The following SPTLC3 variants were observed in gnomAD, a reference collection of about 807,000 sequenced individuals.
The protein encoded by SPTLC3 is serine palmitoyltransferase 3.
A neutral mutation model predicts 59.3 loss-of-function variants in SPTLC3; 36 were observed. That is an observed-to-expected ratio of 0.61 (90% CI 0.47 to 0.80). The LOEUF is 0.80. Ranked by LOEUF, SPTLC3 falls within the 30% of genes least tolerant of loss-of-function variation. SPTLC3 has a pLI of 0.00. For synonymous variants in SPTLC3, 257 were observed against 240.8 expected (o/e 1.07, Z -0.62); for missense variants, 625 against 685.1 (o/e 0.91, Z 0.98).
rs2038989289 is a variant in SPTLC3, at chr20:13,166,726, C to A, written c.*1859C>A. The A allele has an allele frequency of 6.6e-6, 1 of 152,184 alleles. No homozygotes were observed. The highest frequency in any genetic ancestry group is 2.1e-4 in the South Asian group (1 of 4,830). 9.4% of individuals were successfully genotyped at this position (152,184 alleles called of 1,614,324 possible). ...GACAGCGAGATATCTAGTCCTTCCA[C>A]AAGGTATGGAAAGCAATAAACATCT... On this transcript the variant is annotated 3_prime_UTR_variant, in exon 12 of 12. Transcript: ENST00000399002.
intron 9 of SPTLC3, among the ~76,000 whole-genome samples, chr20:13,135,572 C>A (rs1055694130): frequency 6.6e-6 from 1 of 152,192 alleles, no homozygotes; most frequent in Admixed American, 6.5e-5. Flanking sequence ...TCTTACCAAG[C>A]ACTTACTTTG....
At chr20:13,031,820 A>T (rs986727441) in intron 1 of SPTLC3, among the ~76,000 whole-genome samples, 2 of 152,174 alleles carry the variant, frequency 1.3e-5, no homozygotes, top group South Asian at 2.1e-4. Context: ...CCAGTTTGTC[A>T]TGTCTTAAAG....
intron 8 of SPTLC3, among the ~76,000 whole-genome samples, chr20:13,123,048 C>T (rs1254680241): frequency 2.0e-5 from 3 of 152,112 alleles, no homozygotes; most frequent in Non-Finnish European, 4.4e-5. Context: ...TAACAATACT[C>T]GGCCAGGCGT....
intron 4 of SPTLC3, among the ~76,000 whole-genome samples, chr20:13,077,003 G>A (rs1271249816): frequency 6.6e-6 from 1 of 152,126 alleles, no homozygotes; most frequent in Non-Finnish European, 1.5e-5. Context: ...TTTAAGATGT[G>A]AAATTATGTA....
At chr20:13,138,613 A>C (rs972743624) in intron 9 of SPTLC3, among the ~76,000 whole-genome samples, 6 of 152,224 alleles carry the variant, frequency 3.9e-5, no homozygotes, top group Non-Finnish European at 5.9e-5. Context: ...CTTGGGATCT[A>C]GTCACCATTT....
intron 6 of SPTLC3, among the ~76,000 whole-genome samples, chr20:13,095,661 A>C (rs1162415426): frequency 6.6e-6 from 1 of 152,102 alleles, no homozygotes; most frequent in Non-Finnish European, 1.5e-5. Flanking sequence ...TTTTTTTCTG[A>C]GTTCCCCAGA....
At chr20:13,071,337 T>C (rs1020920367) in intron 2 of SPTLC3, among the ~76,000 whole-genome samples, 2 of 152,198 alleles carry the variant, frequency 1.3e-5, no homozygotes, top group African/African-American at 4.8e-5. Context: ...TCACGGAAAA[T>C]GTCAAATCCT....
chr20:13,106,286 A>C (rs1989891506), intron 6 of SPTLC3, among the ~76,000 whole-genome samples: 3 of 152,238 alleles, frequency 2.0e-5, no homozygotes, highest in South Asian at 4.1e-4. Context: ...GATTGAGCCT[A>C]GTACTGTGTA....
Position 13,166,380 on chromosome 20 carries a change from C to T in SPTLC3, c.*1513C>T, listed in dbSNP as rs1376222010. 1 of 152,358 alleles carries T rather than the reference C, an allele frequency of 6.6e-6. No individual in the cohort carries two copies. Among genetic ancestry groups the T allele is most frequent in the Non-Finnish European group, 1.5e-5 (1 of 68,044 alleles). 9.4% of individuals were successfully genotyped at this position (152,358 alleles called of 1,614,324 possible). ...GAAAGTTTTTATGGGGAAATTATAACTCCAAGTGGGTGCATTGGTTTAAAA... is the reference window on the plus strand; with the variant it reads ...GAAAGTTTTTATGGGGAAATTATAATTCCAAGTGGGTGCATTGGTTTAAAA... On this transcript the variant is annotated 3_prime_UTR_variant, in exon 12 of 12. Transcript: ENST00000399002.
chr20:13,009,431 C>A, intron 1 of SPTLC3, 47 bp downstream of exon 1: 2 of 1,494,242 alleles, frequency 1.3e-6, no homozygotes, highest in Admixed American at 1.7e-5. Context: ...CTGAACGTTT[C>A]AATATTTCTC....
chr20:13,030,846 C>T (rs1359353313), intron 1 of SPTLC3, among the ~76,000 whole-genome samples: 5 of 152,088 alleles, frequency 3.3e-5, no homozygotes, highest in Admixed American at 3.3e-4. Context: ...TTATTTAAAA[C>T]TTCATTTTCT....
chr20:13,085,951 A>G (rs1377377762), intron 4 of SPTLC3, among the ~76,000 whole-genome samples: 1 of 152,212 alleles, frequency 6.6e-6, no homozygotes, highest in African/African-American at 2.4e-5. Flanking sequence ...GACAAAAATA[A>G]GATTCATTTT....
At chr20:13,150,752 A>G (rs972378194) in intron 9 of SPTLC3, among the ~76,000 whole-genome samples, 2 of 152,124 alleles carry the variant, frequency 1.3e-5, no homozygotes, top group Non-Finnish European at 2.9e-5. Flanking sequence ...ATCTTGTCCC[A>G]GCTTCAACCA....
intron 1 of SPTLC3, among the ~76,000 whole-genome samples, chr20:13,031,071 C>T (rs1986418430): frequency 6.6e-6 from 1 of 152,148 alleles, no homozygotes; most frequent in African/African-American, 2.4e-5. Flanking sequence ...TGCCACTGCA[C>T]CGGAAATGCA....
intron 1 of SPTLC3, among the ~76,000 whole-genome samples, chr20:13,021,597 G>A (rs1013027731): frequency 1.8e-5 from 2 of 111,226 alleles, no homozygotes; most frequent in African/African-American, 7.2e-5. Context: ...CTGTTTTCTT[G>A]TCAGTGTAAC....
rs1261515883 is a variant in SPTLC3, at chr20:13,168,044, T to G, written c.*3177T>G. ...TTCCCATTTTCCAAGTAACTTCTCTTTCTACAAAAATTGATCCAATATTGA... is the reference window on the plus strand; with the variant it reads ...TTCCCATTTTCCAAGTAACTTCTCTGTCTACAAAAATTGATCCAATATTGA... On this transcript the variant is annotated 3_prime_UTR_variant, in exon 12 of 12. Transcript: ENST00000399002. 6.6e-6 allele frequency: 1 copy of G among 152,194 alleles called. No homozygotes were observed. Among genetic ancestry groups the G allele is most frequent in the Non-Finnish European group, 1.5e-5 (1 of 68,044 alleles). The allele number at this position is 152,194 out of a possible 1,614,324, so 9.4% of individuals were successfully genotyped here. A position where few individuals can be genotyped will look rare whatever the true frequency, so the allele number is the denominator to read the frequency against.
intron 4 of SPTLC3, among the ~76,000 whole-genome samples, chr20:13,089,818 T>C (rs949204457): frequency 6.6e-6 from 1 of 150,802 alleles, no homozygotes; most frequent in Non-Finnish European, 1.5e-5. Context: ...AACAATGTGC[T>C]ATTTTACATT....
At chr20:13,049,162 A>T (rs753332842) in intron 2 of SPTLC3, 32 bp downstream of exon 2, 1 of 1,604,108 alleles carries the variant, frequency 6.2e-7, no homozygotes, top group Non-Finnish European at 8.5e-7. Flanking sequence ...GATCTTTGTC[A>T]ATGCCTACTC....
chr20:13,091,499 G>A (rs886180711), intron 5 of SPTLC3, among the ~76,000 whole-genome samples: 2 of 151,688 alleles, frequency 1.3e-5, no homozygotes, highest in Admixed American at 1.3e-4. Flanking sequence ...CTTGAACCCA[G>A]GAAGTGGAGG....
Sources: gnomAD v4.1 joint callset for allele counts (sites outside exome capture counted in the v4.1 genomes callset) on GRCh38, gnomAD v4.1.1 for gene constraint, MANE v1.5 for transcripts, NCBI Gene and HGNC (gene_info 2026-07-23, HGNC 2026-07-21) for gene names.